Variants in PPM1K observed in about 807,000 individuals in gnomAD.
The protein encoded by PPM1K is protein phosphatase, Mg2+/Mn2+ dependent 1K, also known as protein phosphatase Mn(2+)-dependent 1K.
PPM1K carries 19 observed loss-of-function variants against 32.6 expected under a neutral mutation model. The observed-to-expected ratio is 0.58, with a 90% CI of 0.41 to 0.86. The LOEUF (loss-of-function observed/expected upper bound fraction) is 0.86. Ranked by LOEUF, PPM1K falls within the 40% of genes least tolerant of loss-of-function variation. The pLI, the probability that PPM1K is intolerant of heterozygous loss-of-function variation, is 0.00. For synonymous variants in PPM1K, 159 were observed against 165.3 expected (o/e 0.96, Z 0.29); for missense variants, 362 against 461.2 (o/e 0.78, Z 1.97).
chr4:88,276,984 T>C, intron 3 of PPM1K, 159 bp downstream of exon 3: 1 of 681,024 alleles, frequency 1.5e-6, no homozygotes, highest in South Asian at 2.6e-5. Context: ...CCCAACAGCA[T>C]TTAATGTGAT....
chr4:88,275,236 C>T (rs1196841189), intron 3 of PPM1K: 1 of 647,434 alleles, frequency 1.5e-6, no homozygotes, highest in Non-Finnish European at 1.9e-6. Flanking sequence ...CATTTGTGTG[C>T]CATCCTTGCA....
intron 6 of PPM1K, among the ~76,000 whole-genome samples, chr4:88,264,289 T>C (rs1731227718): frequency 2.0e-5 from 3 of 152,266 alleles, no homozygotes. Context: ...GCCTCTAATA[T>C]TTTAAATAAT....
chr4:88,280,225 GC>G (rs1731954875), intron 1 of PPM1K, among the ~76,000 whole-genome samples: 1 of 152,020 alleles, frequency 6.6e-6, no homozygotes, highest in South Asian at 2.1e-4. Context: ...ACAGGCATGC[GC>G]CACAGAGACT....
intron 3 of PPM1K, chr4:88,276,300 C>G (rs1484059348): frequency 1.0e-6 from 1 of 985,196 alleles, no homozygotes; most frequent in African/African-American, 1.7e-5. Context: ...AAAGGATGAA[C>G]CAAATACAGA....
At chr4:88,265,243 G>A in intron 5 of PPM1K, 108 bp from the exon 6 acceptor site, 1 of 1,265,278 alleles carries the variant, frequency 7.9e-7, no homozygotes, top group Non-Finnish European at 1.1e-6. Flanking sequence ...CTGTGTAACA[G>A]CTTGTAAGCT....
intron 3 of PPM1K, chr4:88,270,974 TCTTTCAA>T (rs1355496461): frequency 2.7e-6 from 1 of 374,760 alleles, no homozygotes; most frequent in Non-Finnish European, 5.3e-6. Flanking sequence ...AACTAAGACA[TCTTTCAA>T]TAAGTTCTTA....
intron 3 of PPM1K, 111 bp from the exon 4 acceptor site, chr4:88,269,017 T>G: frequency 1.1e-6 from 1 of 900,698 alleles, no homozygotes; most frequent in Non-Finnish European, 1.7e-6. Context: ...CTGGAATATA[T>G]CATTCTAATT....
rs551688540 is a variant in PPM1K at position 88,260,001 on chromosome 4, G to A, written c.*2594C>T. 12 of 152,294 alleles carry A rather than the reference G, an allele frequency of 7.9e-5. No homozygotes were observed. The East Asian group carries it at 2.3e-3, about 29-fold the overall frequency. 9.4% of individuals were successfully genotyped at this position (152,294 alleles called of 1,614,324 possible). Reference sequence around the variant, plus strand: ...CCTCATCTTAGTTTTTAAAGTAAAAGATAGGAATAGTAATGTAAAGCATTC... The same window carrying A: ...CCTCATCTTAGTTTTTAAAGTAAAAAATAGGAATAGTAATGTAAAGCATTC... On this transcript the variant is annotated 3_prime_UTR_variant, in exon 7 of 7. Coordinates refer to ENST00000608933, the MANE Select transcript of PPM1K (RefSeq NM_152542.5).
intron 1 of PPM1K, chr4:88,279,473 G>C (rs1357634898): frequency 1.3e-5 from 2 of 152,176 alleles, no homozygotes; most frequent in Non-Finnish European, 2.9e-5. Flanking sequence ...CACTGCATTT[G>C]TGACAAGCAG....
chr4:88,268,570 A>G (rs560034072), intron 4 of PPM1K, among the ~76,000 whole-genome samples, 171 bp downstream of exon 4: 23 of 152,266 alleles, frequency 1.5e-4, no homozygotes, highest in South Asian at 4.1e-4. Context: ...GCAGTGAGCC[A>G]AGATTGCGCC....
chr4:88,276,893 G>A, intron 3 of PPM1K: 1 of 880,812 alleles, frequency 1.1e-6, no homozygotes, highest in Admixed American at 4.3e-5. Flanking sequence ...TACAACATCA[G>A]AACTGTTTCG....
Position 88,278,209 on chromosome 4 carries a change from C to G in PPM1K, c.375G>C (p.Val125=), listed in dbSNP as rs1035174559. Residue 125 remains valine, a synonymous_variant, in exon 2 of 7, where the codon GTG becomes GTC. Coordinates refer to ENST00000608933, the MANE Select transcript of PPM1K (RefSeq NM_152542.5). This position sits in a 1 kb window ranked among gnomAD's most constrained non-coding sequence, Gnocchi z 4.2. ...QLTDEVLYFA[V]YDGHGGPAAA... ...CTGCAGGTCCACCGTGTCCATCATA[C>G]ACTGCAAAGTACAGGACCTCATCTG... 2 of 1,614,212 alleles carry G rather than the reference C, an allele frequency of 1.2e-6. No individual in the cohort carries two copies. The highest frequency in any genetic ancestry group is 3.3e-5 in the Admixed American group (2 of 60,030).
chr4:88,276,478 T>C, intron 3 of PPM1K: 5 of 985,386 alleles, frequency 5.1e-6, no homozygotes, highest in Non-Finnish European at 6.0e-6. Context: ...ATAAATTTAG[T>C]CAAAACCAGA....
In PPM1K at chr4:88,284,516, A is replaced by G. The variant is rs1272856345; in HGVS notation, c.-170T>C. 4 of 152,268 alleles carry G rather than the reference A, an allele frequency of 2.6e-5. No homozygotes were observed. Among genetic ancestry groups the G allele is most frequent in the Non-Finnish European group, 4.4e-5 (3 of 68,048 alleles). 9.4% of individuals were successfully genotyped at this position (152,268 alleles called of 1,614,324 possible). On this transcript the variant is annotated 5_prime_UTR_variant, in exon 1 of 7. Transcript: ENST00000608933. Reference sequence around the variant, plus strand: ...CCTTCTCCGTCGTCTCGGATCTCCGAAGCAAGCAGTCAAAGCGGCCACTGC... The same window carrying G: ...CCTTCTCCGTCGTCTCGGATCTCCGGAGCAAGCAGTCAAAGCGGCCACTGC...
chr4:88,269,129 G>T (rs1731454710), intron 3 of PPM1K, among the ~76,000 whole-genome samples: 2 of 152,218 alleles, frequency 1.3e-5, no homozygotes, highest in Admixed American at 6.5e-5. Flanking sequence ...CAAACGGAAA[G>T]GTTGCTAACC....
At chr4:88,266,793 T>C (rs981836245) in intron 5 of PPM1K, among the ~76,000 whole-genome samples, 1 of 148,856 alleles carries the variant, frequency 6.7e-6, no homozygotes, top group African/African-American at 2.5e-5. Flanking sequence ...CAGGTGATGC[T>C]GGATGACTGG....
chr4:88,277,805 C>T (rs1731842656), intron 2 of PPM1K: 1 of 289,178 alleles, frequency 3.5e-6, no homozygotes, highest in African/African-American at 2.2e-5. Context: ...AGAGTAATTA[C>T]CATTTACTGA....
intron 3 of PPM1K, chr4:88,275,399 C>A: frequency 1.0e-6 from 1 of 981,282 alleles, no homozygotes; most frequent in Non-Finnish European, 1.2e-6. Flanking sequence ...TTAAGATAGG[C>A]AAGTTAATTA....
At chr4:88,280,866 A>C (rs1199048190) in intron 1 of PPM1K, among the ~76,000 whole-genome samples, 1 of 152,204 alleles carries the variant, frequency 6.6e-6, no homozygotes. Context: ...AAAGAGAGAG[A>C]GAGCGAGAGA....
Sources: allele counts gnomAD v4.1 joint callset (sites outside exome capture counted in the v4.1 genomes callset), GRCh38; gene constraint gnomAD v4.1.1; non-coding constraint Gnocchi (gnomAD v3.1); transcripts MANE v1.5; gene names NCBI Gene and HGNC (gene_info 2026-07-23, HGNC 2026-07-21).